The following EIF5B variants were observed in gnomAD, a reference collection of about 807,000 sequenced individuals.
The protein encoded by EIF5B is eukaryotic translation initiation factor 5B.
Under a neutral mutation model 147.5 loss-of-function variants are expected in EIF5B, and 47 were observed. That is an observed-to-expected ratio of 0.32 (90% CI 0.25 to 0.41). EIF5B has a LOEUF of 0.41. Ranked by LOEUF, EIF5B falls within the 10% of genes least tolerant of loss-of-function variation. The pLI is 1.00. For synonymous variants in EIF5B, 455 were observed against 456.2 expected, an observed-to-expected ratio of 1.00 and a Z score of 0.03; for missense variants, 1,064 against 1,413.2, an observed-to-expected ratio of 0.75 and a Z score of 3.96.
chr2:99,382,356 A>C, intron 13 of EIF5B, 130 bp downstream of exon 13: 101 of 671,522 alleles, frequency 1.5e-4, no homozygotes, highest in Non-Finnish European at 1.9e-4. Context: ...TTTGTACCTC[A>C]TTGATTTAGT....
At chr2:99,396,736 A>ATT in intron 21 of EIF5B, 24 bp from the exon 22 acceptor site, 2 of 1,578,280 alleles carry the variant, frequency 1.3e-6, no homozygotes, top group Non-Finnish European at 1.7e-6. Flanking sequence ...GTAAGCTTAA[A>ATT]ATTCTTTTCT....
intron 14 of EIF5B, among the ~76,000 whole-genome samples, chr2:99,388,609 A>G (rs1674858037): frequency 2.0e-5 from 3 of 152,208 alleles, no homozygotes; most frequent in Non-Finnish European, 4.4e-5. Context: ...TCTGTTAACA[A>G]CATAATTACT....
At chr2:99,395,584 C>T (rs1437039833) in intron 21 of EIF5B, among the ~76,000 whole-genome samples, 1 of 152,222 alleles carries the variant, frequency 6.6e-6, no homozygotes, top group East Asian at 1.9e-4. Context: ...ATCCACCTGC[C>T]TCTGCCTCCC....
chr2:99,357,284 G>T (rs75105166), intron 1 of EIF5B, among the ~76,000 whole-genome samples: 2,517 of 152,254 alleles, frequency 0.017, 36 homozygotes, highest in Non-Finnish European at 0.028. Context: ...TTTCAAGCAA[G>T]TAAAAAACTA....
chr2:99,357,638 T>G (rs1168321780), intron 1 of EIF5B, among the ~76,000 whole-genome samples: 1 of 152,244 alleles, frequency 6.6e-6, no homozygotes, highest in Admixed American at 6.5e-5. Flanking sequence ...AAGAAGATTC[T>G]TGAAGCTATT....
rs564715800 is a variant in EIF5B at position 99,399,385 on chromosome 2, G to A, written c.3634G>A (p.Glu1212Lys). 1 of 1,614,128 alleles carries A rather than the reference G, an allele frequency of 6.2e-7. No homozygotes were observed. Residue 1212 changes from glutamate to lysine, a missense_variant, in exon 24 of 24, where the codon GAG becomes AAG. By Grantham distance (56) the Glu-to-Lys change is moderately conservative. Coordinates refer to ENST00000289371, the MANE Select transcript of EIF5B (RefSeq NM_015904.4). ...MQKSDWQLIV[E>K]LKKVFEII ...GAAGAGTGACTGGCAGCTTATTGTG[G>A]AGCTGAAGAAAGTATTTGAAATCAT... is the stretch of plus-strand genomic sequence containing the variant.
At position 99,353,758 on chromosome 2, in the gene EIF5B, G is replaced by A. The variant is rs1301830845; in HGVS notation, c.36-6478G>A. ...TAAACTTTTGTCTTTCAAAAATGTTGTATTAATGGAATTAAGTATATATAT... is the reference window on the plus strand; with the variant it reads ...TAAACTTTTGTCTTTCAAAAATGTTATATTAATGGAATTAAGTATATATAT... On this transcript the variant is annotated intron_variant, in intron 1 of 23. Coordinates refer to ENST00000289371, the MANE Select transcript of EIF5B (RefSeq NM_015904.4). Among the ~76,000 whole-genome samples, 3 of 152,114 alleles carry A rather than the reference G, an allele frequency of 2.0e-5. No individual in the cohort carries two copies. The East Asian group carries it at 5.8e-4, about 29-fold the overall frequency.
chr2:99,378,435 TG>T (rs1224087933), intron 10 of EIF5B, among the ~76,000 whole-genome samples: 6 of 152,194 alleles, frequency 3.9e-5, no homozygotes, highest in African/African-American at 1.4e-4. Context: ...TCGCTCTTAC[TG>T]GTGTTCATAA....
intron 1 of EIF5B, among the ~76,000 whole-genome samples, chr2:99,350,249 T>A (rs1186896315): frequency 6.6e-6 from 1 of 152,224 alleles, no homozygotes; most frequent in Non-Finnish European, 1.5e-5. Flanking sequence ...CTGCAGTAAA[T>A]GTGGGAGTGT....
intron 9 of EIF5B, among the ~76,000 whole-genome samples, chr2:99,373,375 A>T (rs1674495245): frequency 6.6e-6 from 1 of 152,158 alleles, no homozygotes; most frequent in Non-Finnish European, 1.5e-5. Flanking sequence ...CCAAGATGGC[A>T]CCTTGGTGCT....
rs1675129789 is a variant in EIF5B at position 99,398,909 on chromosome 2, G to GGTAA, written c.3555+4_3555+7dup. The GGTAA allele has an allele frequency of 6.2e-7, 1 of 1,611,746 alleles. No individual in the cohort carries two copies. The highest frequency in any genetic ancestry group is 8.5e-7 in the Non-Finnish European group (1 of 1,179,246). On this transcript the variant is annotated frameshift_variant and splice_region_variant. Coordinates refer to ENST00000289371, the MANE Select transcript of EIF5B (RefSeq NM_015904.4). LOFTEE classifies it high-confidence loss of function. ...AAGCTACAGATATTCTTGTTAGTAA[G>GGTAA]GTAAGTATTTCAGCAAAAGTGGCAC...
At chr2:99,366,652 C>CT (rs1296990861) in intron 6 of EIF5B, among the ~76,000 whole-genome samples, 4 of 152,194 alleles carry the variant, frequency 2.6e-5, no homozygotes, top group Non-Finnish European at 4.4e-5. Flanking sequence ...TAGTGAGAGA[C>CT]TGAGTCAGTA....
Position 99,390,678 on chromosome 2 carries a change from T to G in EIF5B, c.2721T>G (p.Pro907=). 6.2e-7 allele frequency: 1 copy of G among 1,606,858 alleles called. No individual in the cohort carries two copies. The highest frequency in any genetic ancestry group is 8.5e-7 in the Non-Finnish European group (1 of 1,173,988). Residue 907 remains proline (P), a synonymous_variant, in exon 17 of 24, where the codon CCT becomes CCG. Transcript: ENST00000289371. ...IVTQIRGLLL[P]PPMKELRVKN... Reference sequence around the variant, plus strand: ...CTCAGATTCGAGGCCTCCTGTTACCTCCTCCTATGAAGGAATTACGAGTGA... The same window carrying G: ...CTCAGATTCGAGGCCTCCTGTTACCGCCTCCTATGAAGGAATTACGAGTGA...
At position 99,337,609 on chromosome 2, in the gene EIF5B, G is replaced by C. The variant is rs756698575; in HGVS notation, c.35+20G>C. On this transcript the variant is annotated intron_variant, in intron 1 of 23. Coordinates refer to ENST00000289371, the MANE Select transcript of EIF5B (RefSeq NM_015904.4). ...AGACAGGTAGATAGGGGTTGGGTCC[G>C]TACGGCGGCGGCCGCCGTGGCTCAG... The C allele has an allele frequency of 5.6e-6, 9 of 1,602,670 alleles. No homozygotes were observed. In the East Asian group the frequency reaches 6.7e-5, roughly 12 times the overall value.
At chr2:99,371,296 G>A (rs1674440311) in intron 8 of EIF5B, among the ~76,000 whole-genome samples, 1 of 152,090 alleles carries the variant, frequency 6.6e-6, no homozygotes, top group Non-Finnish European at 1.5e-5. Flanking sequence ...AGACAATCCT[G>A]GCTAACACGG....
chr2:99,337,863 C>T (rs538679167), intron 1 of EIF5B, among the ~76,000 whole-genome samples: 1 of 152,318 alleles, frequency 6.6e-6, no homozygotes, highest in South Asian at 2.1e-4. Flanking sequence ...GGTTCCTGGT[C>T]GCGCGGGGAG....
At chr2:99,366,528 A>T (rs1322963531) in intron 6 of EIF5B, among the ~76,000 whole-genome samples, 1 of 152,044 alleles carries the variant, frequency 6.6e-6, no homozygotes, top group Non-Finnish European at 1.5e-5. Context: ...ACACACATCC[A>T]TATACATTCC....
chr2:99,364,540 A>G, intron 6 of EIF5B, 119 bp downstream of exon 6: 1 of 983,492 alleles, frequency 1.0e-6, no homozygotes. Flanking sequence ...AAAATCTGTG[A>G]AAAAGTTCAG....
At chr2:99,377,667 G>T (rs1674591227) in intron 10 of EIF5B, among the ~76,000 whole-genome samples, 1 of 152,048 alleles carries the variant, frequency 6.6e-6, no homozygotes, top group Non-Finnish European at 1.5e-5. Flanking sequence ...CAATTATCCT[G>T]CTCCCTAGAT....
Sources: gnomAD v4.1 joint callset for allele counts (sites outside exome capture counted in the v4.1 genomes callset) on GRCh38, gnomAD v4.1.1 for gene constraint, MANE v1.5 for transcripts, NCBI Gene and HGNC (gene_info 2026-07-23, HGNC 2026-07-21) for gene names.